The following UGT1A4 variants were observed in gnomAD, a reference collection of about 807,000 sequenced individuals.
UGT1A4 encodes UDP-glucuronosyltransferase 1A4.
A neutral mutation model predicts 41.1 loss-of-function variants in UGT1A4; 32 were observed. The observed-to-expected ratio is 0.78, with a 90% CI of 0.59 to 1.05. The LOEUF (loss-of-function observed/expected upper bound fraction) is 1.05, where lower values mean the gene tolerates loss of function less well. Ranked by LOEUF, UGT1A4 falls within the 50% of genes least tolerant of loss-of-function variation. The pLI is 0.00. For missense variants in UGT1A4, 748 were observed against 677.4 expected, an observed-to-expected ratio of 1.10 and a Z score of -1.16; for synonymous variants, 283 against 265.1, an observed-to-expected ratio of 1.07 and a Z score of -0.66.
At chr2:233,719,730 C>G in intron 1 of UGT1A4, 43 bp downstream of exon 1, 3 of 1,613,500 alleles carry the variant, frequency 1.9e-6, no homozygotes, top group Non-Finnish European at 2.5e-6. Flanking sequence ...CCAGGCAAAA[C>G]ACTTTTTAAA....
chr2:233,719,378 G>T lies in UGT1A4; in HGVS notation c.558G>T (p.Gln186His). The T allele has an allele frequency of 6.2e-7, 1 of 1,613,952 alleles. No individual in the cohort carries two copies. Among genetic ancestry groups the T allele is most frequent in the Non-Finnish European group, 8.5e-7 (1 of 1,179,876 alleles). The change falls in exon 1 of 5, where the codon CAG (glutamine) becomes CAT (histidine). Residue 186 changes from glutamine to histidine, a missense_variant. Gln to His is a conservative substitution (Grantham distance 24, BLOSUM62 0). Coordinates refer to ENST00000373409, the MANE Select transcript of UGT1A4 (RefSeq NM_007120.3). Reference protein sequence around the residue: ...IPCDLDFKGTQCPNPSSYIPK... With the variant: ...IPCDLDFKGTHCPNPSSYIPK... Reference sequence around the variant, plus strand: ...GTGACTTAGACTTTAAGGGCACACAGTGTCCAAATCCTTCCTCCTATATTC... The same window carrying T: ...GTGACTTAGACTTTAAGGGCACACATTGTCCAAATCCTTCCTCCTATATTC...
intron 1 of UGT1A4, chr2:233,761,093 T>G: frequency 6.2e-7 from 1 of 1,614,222 alleles, no homozygotes; most frequent in Non-Finnish European, 8.5e-7. Flanking sequence ...AGGCCCATCA[T>G]GCCCAATATG....
intron 1 of UGT1A4, among the ~76,000 whole-genome samples, chr2:233,749,048 G>A (rs971620112): frequency 1.8e-4 from 27 of 151,634 alleles, no homozygotes; most frequent in African/African-American, 6.3e-4. Context: ...GTGGTACTCT[G>A]GGACCTGAAT....
intron 1 of UGT1A4, chr2:233,740,670 G>C (rs915333505): frequency 4.0e-5 from 6 of 151,870 alleles, no homozygotes; most frequent in African/African-American, 1.5e-4. Flanking sequence ...AGGTACAGGT[G>C]TTTCCATGGA....
At chr2:233,729,707 T>C (rs2125746901) in intron 1 of UGT1A4, 1 of 1,613,988 alleles carries the variant, frequency 6.2e-7, no homozygotes, top group Non-Finnish European at 8.5e-7. Flanking sequence ...TCCTCCTATA[T>C]TCCTAGATTA....
intron 1 of UGT1A4, among the ~76,000 whole-genome samples, chr2:233,753,843 T>A (rs529676681): frequency 6.6e-6 from 1 of 152,338 alleles, no homozygotes; most frequent in South Asian, 2.1e-4. Flanking sequence ...TCCTAGTATA[T>A]CATTGACCAA....
intron 1 of UGT1A4, chr2:233,721,861 C>A: frequency 2.0e-6 from 1 of 507,538 alleles, no homozygotes; most frequent in Non-Finnish European, 3.9e-6. Flanking sequence ...CTGCTCGGCC[C>A]TGGGCACACT....
chr2:233,744,056 G>A (rs1039365766), intron 1 of UGT1A4: 4 of 611,070 alleles, frequency 6.5e-6, no homozygotes, highest in Admixed American at 3.6e-5. Context: ...CTCATTGGTC[G>A]AGGCCTATGA....
intron 1 of UGT1A4, chr2:233,748,124 G>A (rs1575688214): frequency 6.2e-7 from 1 of 1,610,748 alleles, no homozygotes; most frequent in South Asian, 1.1e-5. Flanking sequence ...AGGCAAAACA[G>A]TTTTTAAAAA....
chr2:233,731,290 T>TC (rs2078133988), intron 1 of UGT1A4, among the ~76,000 whole-genome samples: 1 of 151,998 alleles, frequency 6.6e-6, no homozygotes, highest in Non-Finnish European at 1.5e-5. Context: ...CTTTCTTTTT[T>TC]TTTTTTTTAT....
rs372445273 is a variant in UGT1A4, at chr2:233,718,783, G to A, written c.-38G>A. 3.2e-5 allele frequency: 52 copies of A among 1,612,928 alleles called. No homozygotes were observed. The highest frequency in any genetic ancestry group is 1.5e-4 in the African/African-American group (11 of 74,910). On this transcript the variant is annotated 5_prime_UTR_variant, in exon 1 of 5. It adds an upstream start codon to the 5' untranslated region. Coordinates refer to ENST00000373409, the MANE Select transcript of UGT1A4 (RefSeq NM_007120.3). ...AGGAAACAAATGTAGCAGGCACAGCGTGGGGTGGACAGTCAGCTGTCGGTG... is the reference window on the plus strand; with the variant it reads ...AGGAAACAAATGTAGCAGGCACAGCATGGGGTGGACAGTCAGCTGTCGGTG...
chr2:233,737,383 C>T (rs1188970880), intron 1 of UGT1A4, among the ~76,000 whole-genome samples: 6 of 152,224 alleles, frequency 3.9e-5, no homozygotes, highest in Non-Finnish European at 8.8e-5. Flanking sequence ...AGAGAATCTC[C>T]TTGTCTGCCA....
chr2:233,755,134 ATCT>A (rs1231510836), intron 1 of UGT1A4: 15 of 1,316,668 alleles, frequency 1.1e-5, no homozygotes, highest in Non-Finnish European at 1.5e-5. Flanking sequence ...ACCTGCTTGA[ATCT>A]TCTCACCGCT....
chr2:233,772,294 T>C lies in UGT1A4; in HGVS notation c.1340T>C (p.Leu447Pro). 6.2e-7 allele frequency: 1 copy of C among 1,614,228 alleles called. No individual in the cohort carries two copies. Among genetic ancestry groups the C allele is most frequent in the Non-Finnish European group, 8.5e-7 (1 of 1,180,042 alleles). Reference protein sequence around the residue: ...YKENIMRLSSLHKDRPVEPLD... With the variant: ...YKENIMRLSSPHKDRPVEPLD... Reference sequence around the variant, plus strand: ...GAGAACATCATGCGCCTCTCCAGCCTTCACAAGGACCGCCCGGTGGAGCCG... The same window carrying C: ...GAGAACATCATGCGCCTCTCCAGCCCTCACAAGGACCGCCCGGTGGAGCCG... The change falls in exon 5 of 5, where the codon CTT becomes CCT. Residue 447 changes from leucine to proline, a missense_variant. Coordinates refer to ENST00000373409, the MANE Select transcript of UGT1A4 (RefSeq NM_007120.3).
At chr2:233,743,600 C>T in intron 1 of UGT1A4, 3 of 1,367,332 alleles carry the variant, frequency 2.2e-6, no homozygotes, top group Non-Finnish European at 2.9e-6. Flanking sequence ...TGGGTCCTGG[C>T]CGCCGAAGAA....
At chr2:233,728,419 C>T (rs1433487219) in intron 1 of UGT1A4, among the ~76,000 whole-genome samples, 2 of 152,142 alleles carry the variant, frequency 1.3e-5, no homozygotes, top group East Asian at 3.9e-4. Flanking sequence ...GATAGCAGCA[C>T]CTCTTCTTCC....
intron 1 of UGT1A4, among the ~76,000 whole-genome samples, chr2:233,727,779 C>T (rs1053796621): frequency 3.3e-5 from 5 of 152,220 alleles, no homozygotes; most frequent in East Asian, 1.9e-4. Flanking sequence ...CCCCAGTAGA[C>T]GCTTCCATTC....
chr2:233,740,676 A>C (rs1309493094), intron 1 of UGT1A4: 3 of 151,760 alleles, frequency 2.0e-5, no homozygotes, highest in Non-Finnish European at 4.4e-5. Flanking sequence ...AGGTGTTTCC[A>C]TGGAGGGTGT....
intron 1 of UGT1A4, among the ~76,000 whole-genome samples, chr2:233,724,133 G>A (rs1298685512): frequency 0.042 from 1,427 of 33,736 alleles, 2 homozygotes; most frequent in African/African-American, 0.058. Context: ...CTCACCTCCC[G>A]GACGGGGCGG....
Sources: allele counts gnomAD v4.1 joint callset (sites outside exome capture counted in the v4.1 genomes callset), GRCh38; gene constraint gnomAD v4.1.1; transcripts MANE v1.5; gene names NCBI Gene and HGNC (gene_info 2026-07-23, HGNC 2026-07-21).